GRIN2B: variants seen among roughly 807,000 people sequenced by gnomAD.
GRIN2B encodes glutamate ionotropic receptor NMDA type subunit 2B.
Under a neutral mutation model 114.5 loss-of-function variants are expected in GRIN2B, and 5 were observed. The observed-to-expected ratio is 0.04, with a 90% CI of 0.02 to 0.09. The LOEUF (loss-of-function observed/expected upper bound fraction) is 0.09, where lower values mean the gene tolerates loss of function less well. Ranked by LOEUF, GRIN2B falls within the 10% of genes least tolerant of loss-of-function variation. The probability of loss-of-function intolerance (pLI) is 1.00; values close to 1 mark genes in which losing one functional copy is unlikely to be tolerated. For missense variants in GRIN2B, 1,108 were observed against 1,943.5 expected (o/e 0.57, Z 8.08); for synonymous variants, 787 against 745.1 (o/e 1.06, Z -0.92).
intron 3 of GRIN2B, among the ~76,000 whole-genome samples, chr12:13,770,468 C>T (rs1041528561): frequency 1.3e-5 from 2 of 152,076 alleles, no homozygotes; most frequent in East Asian, 1.9e-4. Flanking sequence ...GTGGTTAAGC[C>T]GTTGTCAGAA....
At chr12:13,952,779 T>C (rs368214545) in intron 2 of GRIN2B, among the ~76,000 whole-genome samples, 1 of 152,026 alleles carries the variant, frequency 6.6e-6, no homozygotes, top group South Asian at 2.1e-4. Context: ...CCACTTTTAA[T>C]TTCTGTTTTT....
chr12:13,563,562 A>C lies in GRIN2B; in HGVS notation c.3676T>G (p.Ser1226Ala). 6.2e-7 allele frequency: 1 copy of C among 1,614,034 alleles called. No individual in the cohort carries two copies. The highest frequency in any genetic ancestry group is 8.5e-7 in the Non-Finnish European group (1 of 1,180,006). Residue 1226 changes from serine to alanine, a missense_variant, in exon 14 of 14, where the codon TCC becomes GCC. By Grantham distance (99) the Ser-to-Ala change is moderately conservative (BLOSUM62 1). This residue lies in a region of GRIN2B where 478 missense variants were observed against 506.0 expected (regional missense o/e 0.94). Coordinates refer to ENST00000609686, the MANE Select transcript of GRIN2B (RefSeq NM_000834.5). ...RSCPSKLHNY[S>A]TTVTGQNSGR... Reference sequence around the variant, plus strand: ...GAGTTCTGACCCGTCACCGTCGTGGAGTAGTTGTGCAGCTTGGAGGGACAG... The same window carrying C: ...GAGTTCTGACCCGTCACCGTCGTGGCGTAGTTGTGCAGCTTGGAGGGACAG...
At chr12:13,880,997 T>TGTGC (rs1799263296) in intron 2 of GRIN2B, among the ~76,000 whole-genome samples, 1 of 144,782 alleles carries the variant, frequency 6.9e-6, no homozygotes, top group South Asian at 2.1e-4. Context: ...TATAAGGTTG[T>TGTGC]GTGTGTGTGT....
intron 3 of GRIN2B, among the ~76,000 whole-genome samples, chr12:13,831,650 TG>T (rs1865147934): frequency 6.6e-6 from 1 of 152,206 alleles, no homozygotes; most frequent in Admixed American, 6.5e-5. Context: ...GAGGCTCATG[TG>T]GGGGAGCCCG....
intron 5 of GRIN2B, among the ~76,000 whole-genome samples, chr12:13,655,231 T>C (rs192113605): frequency 6.6e-6 from 1 of 152,210 alleles, no homozygotes; most frequent in East Asian, 1.9e-4. Context: ...CTTATACTTC[T>C]TTCCATGTAC....
chr12:13,607,532 T>C (rs1949299595), intron 10 of GRIN2B, among the ~76,000 whole-genome samples: 1 of 136,136 alleles, frequency 7.3e-6, no homozygotes, highest in Admixed American at 8.5e-5. Flanking sequence ...CTTTTGAATG[T>C]TCTTGATAAG....
intron 2 of GRIN2B, among the ~76,000 whole-genome samples, chr12:13,970,393 C>T (rs1473006663): frequency 2.0e-5 from 3 of 152,142 alleles, no homozygotes; most frequent in Non-Finnish European, 4.4e-5. Flanking sequence ...TAGTAAATCT[C>T]ACCCAAAGCA....
intron 10 of GRIN2B, among the ~76,000 whole-genome samples, chr12:13,586,135 A>T (rs1591622049): frequency 6.6e-6 from 1 of 152,330 alleles, no homozygotes; most frequent in Non-Finnish European, 1.5e-5. Flanking sequence ...TTTTGATGAA[A>T]ATCATTCTAA....
intron 3 of GRIN2B, among the ~76,000 whole-genome samples, chr12:13,848,107 T>C (rs74067123): frequency 0.079 from 11,958 of 152,140 alleles, 795 homozygotes; most frequent in African/African-American, 0.19. Context: ...CCACCCCTCA[T>C]GCTAGGATCA....
chr12:13,885,228 T>G, intron 2 of GRIN2B, among the ~76,000 whole-genome samples: 1 of 152,208 alleles, frequency 6.6e-6, no homozygotes, highest in East Asian at 1.9e-4. Flanking sequence ...GTATTTTATA[T>G]CAATTTCCAG....
intron 3 of GRIN2B, among the ~76,000 whole-genome samples, chr12:13,808,285 TAAG>T (rs1377097163): frequency 1.3e-5 from 2 of 152,086 alleles, no homozygotes; most frequent in African/African-American, 4.8e-5. Flanking sequence ...AGTTTGCTAG[TAAG>T]AACAGAGTTA....
At chr12:13,672,395 GT>G (rs1950030416) in intron 5 of GRIN2B, among the ~76,000 whole-genome samples, 1 of 152,048 alleles carries the variant, frequency 6.6e-6, no homozygotes, top group Non-Finnish European at 1.5e-5. Flanking sequence ...CTTCACCCTG[GT>G]GCCTGCCTCC....
chr12:13,926,735 C>T (rs141077535), intron 2 of GRIN2B, among the ~76,000 whole-genome samples: 76 of 152,268 alleles, frequency 5.0e-4, no homozygotes, highest in African/African-American at 1.8e-3. Flanking sequence ...GGGCGGATCA[C>T]GAGGAGAGGA....
At chr12:13,968,506 A>T (rs920357154) in intron 2 of GRIN2B, among the ~76,000 whole-genome samples, 4 of 152,138 alleles carry the variant, frequency 2.6e-5, no homozygotes, top group Non-Finnish European at 5.9e-5. Context: ...CCAAGATGGG[A>T]TCTGCTCAAC....
intron 2 of GRIN2B, among the ~76,000 whole-genome samples, chr12:13,938,355 G>T (rs1867167409): frequency 1.3e-5 from 2 of 152,012 alleles, no homozygotes; most frequent in South Asian, 4.2e-4. Flanking sequence ...GGAATATATG[G>T]GTTAAAGTAA....
At chr12:13,812,548 C>G (rs900598400) in intron 3 of GRIN2B, among the ~76,000 whole-genome samples, 1 of 152,084 alleles carries the variant, frequency 6.6e-6, no homozygotes, top group Non-Finnish European at 1.5e-5. Context: ...TTCTGCTACA[C>G]TACTTTGCAT....
chr12:13,819,922 A>T lies in GRIN2B; in HGVS notation c.411+45876T>A, dbSNP rs546258258. Among the ~76,000 whole-genome samples the T allele has an allele frequency of 2.6e-5, 4 of 152,228 alleles. No homozygotes were observed. The South Asian group carries it at 8.3e-4, about 32-fold the overall frequency. On this transcript the variant is annotated intron_variant, in intron 3 of 13. Transcript: ENST00000609686. ...CTTCCAGTGAACAGGAGCAACCAAT[A>T]AACAACCTAAACTTCCTGCACTGGG... is the stretch of plus-strand genomic sequence containing the variant.
At position 13,560,487 on chromosome 12, in the gene GRIN2B, T is replaced by C. The variant is rs1024151553; in HGVS notation, c.*2296A>G. The C allele has an allele frequency of 6.6e-6, 1 of 152,202 alleles. No individual in the cohort carries two copies. The highest frequency in any genetic ancestry group is 1.5e-5 in the Non-Finnish European group (1 of 68,058). The allele number at this position is 152,202 out of a possible 1,614,324, so 9.4% of individuals were successfully genotyped here. A position where few individuals can be genotyped will look rare whatever the true frequency, so the allele number is the denominator to read the frequency against. Reference sequence around the variant, plus strand: ...CCCTTGGTTCTAGATTGCTGTTCGCTAGGTTAGTTGGTTTGGTTTTTTTGT... The same window carrying C: ...CCCTTGGTTCTAGATTGCTGTTCGCCAGGTTAGTTGGTTTGGTTTTTTTGT... On this transcript the variant is annotated 3_prime_UTR_variant, in exon 14 of 14. Coordinates refer to ENST00000609686, the MANE Select transcript of GRIN2B (RefSeq NM_000834.5).
Position 13,551,949 on chromosome 12 carries a change from A to G in GRIN2B, c.*10834T>C, listed in dbSNP as rs1948418059. 1 of 152,152 alleles carries G rather than the reference A, an allele frequency of 6.6e-6. No individual in the cohort carries two copies. Among genetic ancestry groups the G allele is most frequent in the Admixed American group, 6.5e-5 (1 of 15,280 alleles). 9.4% of individuals were successfully genotyped at this position (152,152 alleles called of 1,614,324 possible). ...TCTGAATAGGGCTGAAGTTTTAGGC[A>G]GGCATGTTTTGTTTCATTTCGAAAA... On this transcript the variant is annotated 3_prime_UTR_variant, in exon 14 of 14. Coordinates refer to ENST00000609686, the MANE Select transcript of GRIN2B (RefSeq NM_000834.5).
Sources: gnomAD v4.1 joint callset for allele counts (sites outside exome capture counted in the v4.1 genomes callset) on GRCh38, gnomAD v4.1.1 for gene constraint, gnomAD v4.1.1 regional missense constraint, MANE v1.5 for transcripts, NCBI Gene and HGNC (gene_info 2026-07-23, HGNC 2026-07-21) for gene names.